Variants in MDFI observed in about 807,000 individuals in gnomAD.
MDFI encodes the protein inhibitor of MyoD family a.
MDFI carries 16 observed loss-of-function variants against 22.3 expected under a neutral mutation model. The ratio of observed to expected loss-of-function variants is 0.72; its 90% CI spans 0.49 to 1.09. MDFI has a LOEUF of 1.09. MDFI is among the 50% of genes least tolerant of loss of function. MDFI has a pLI of 0.00. For synonymous variants in MDFI, 145 were observed against 142.7 expected (o/e 1.02, Z -0.12); for missense variants, 314 against 326.1 (o/e 0.96, Z 0.29).
chr6:41,637,035 A>T (rs1767668272), upstream of MDFI: 1 of 152,278 alleles, frequency 6.6e-6, no homozygotes, highest in Admixed American at 6.5e-5. The surrounding 1 kb of genome is among the most constrained non-coding windows in gnomAD (Gnocchi z 6.8). Flanking sequence ...TCAGCTCTCC[A>T]GAGCTCCCGG....
rs113879039 is a variant in MDFI, at chr6:41,638,939, G to A, written c.76+114G>A. 6,444 of 1,183,998 alleles carry A rather than the reference G, an allele frequency of 5.4e-3. 246 individuals are homozygous for A. The African/African-American group carries it at 0.085, about 16-fold the overall frequency. The allele number at this position is 1,183,998 out of a possible 1,614,324, so 73.3% of individuals were successfully genotyped here. The stretch of plus-strand genomic sequence containing the variant: ...GCGGGGAGACCGTTCCAGGGAGCTT[G>A]GTGGGGGTAGGGACGAAAAGTCTGG... On this transcript the variant is annotated intron_variant, in intron 2 of 4. Coordinates refer to ENST00000230321, the MANE Select transcript of MDFI (RefSeq NM_005586.4). This position sits in a 1 kb window ranked among gnomAD's most constrained non-coding sequence, Gnocchi z 7.6.
chr6:41,638,380 G>A (rs547131131), upstream of MDFI: 13 of 244,598 alleles, frequency 5.3e-5, no homozygotes, highest in South Asian at 6.4e-4. This position sits in a 1 kb window ranked among gnomAD's most constrained non-coding sequence, Gnocchi z 7.6. Context: ...GAGAAGGCGA[G>A]GAGGGGGCGG....
chr6:41,646,055 G>A, intron 2 of MDFI, 71 bp from the exon 3 acceptor site: 1 of 1,344,492 alleles, frequency 7.4e-7, no homozygotes, highest in Non-Finnish European at 9.9e-7. Flanking sequence ...TGGGCTGTGG[G>A]GCGGGGCCCA....
At chr6:41,649,534 A>G in intron 3 of MDFI, 85 bp from the exon 4 acceptor site, 2 of 1,266,090 alleles carry the variant, frequency 1.6e-6, no homozygotes, top group African/African-American at 1.5e-5. Flanking sequence ...ATATGTAAGA[A>G]TGCAGCAGGC....
At chr6:41,650,573 C>CTTTTT (rs34897556) in intron 4 of MDFI, among the ~76,000 whole-genome samples, 41 of 129,650 alleles carry the variant, frequency 3.2e-4, no homozygotes, top group African/African-American at 5.8e-4. Flanking sequence ...AGTCTTTTTC[C>CTTTTT]TTTTTTTTTT....
At chr6:41,645,879 G>A (rs1417504540) in intron 2 of MDFI, among the ~76,000 whole-genome samples, 2 of 151,928 alleles carry the variant, frequency 1.3e-5, no homozygotes, top group Non-Finnish European at 2.9e-5. Flanking sequence ...TGCCCCTCCC[G>A]ACACCACATG....
At chr6:41,639,493 C>G in intron 2 of MDFI, 1 of 985,442 alleles carries the variant, frequency 1.0e-6, no homozygotes, top group Non-Finnish European at 1.2e-6. Context: ...CCTCTCACGC[C>G]AAGTACGGTT....
Position 41,638,618 on chromosome 6 carries a change from T to C in MDFI, c.-46T>C. 1.8e-6 allele frequency: 2 copies of C among 1,097,200 alleles called. No homozygotes were observed. Among genetic ancestry groups the C allele is most frequent in the Non-Finnish European group, 2.5e-6 (2 of 795,452 alleles). 68.0% of individuals were successfully genotyped at this position (1,097,200 alleles called of 1,614,324 possible). ...GCGCATGGCGGGCCCCGCGCGGGGA[T>C]CCGGCTGGAAGAGAGCGTAGCACGG... is the stretch of plus-strand genomic sequence containing the variant. On this transcript the variant is annotated 5_prime_UTR_variant, in exon 1 of 5. Transcript: ENST00000230321. This position sits in a 1 kb window ranked among gnomAD's most constrained non-coding sequence, Gnocchi z 7.6.
chr6:41,651,789 C>T (rs1267472174), intron 4 of MDFI, among the ~76,000 whole-genome samples: 1 of 152,230 alleles, frequency 6.6e-6, no homozygotes, highest in Non-Finnish European at 1.5e-5. Flanking sequence ...GGCCTGGCCC[C>T]AGCACACGGA....
chr6:41,651,687 C>A (rs911969417), intron 4 of MDFI, among the ~76,000 whole-genome samples: 2 of 152,198 alleles, frequency 1.3e-5, no homozygotes, highest in South Asian at 2.1e-4. Context: ...TCCCTCCACA[C>A]AGGAATGCAG....
intron 4 of MDFI, among the ~76,000 whole-genome samples, chr6:41,651,844 TC>T (rs1321824755): frequency 6.6e-6 from 1 of 152,164 alleles, no homozygotes; most frequent in Non-Finnish European, 1.5e-5. Context: ...TGGATTCAAG[TC>T]CCAGCTCCAC....
intron 3 of MDFI, among the ~76,000 whole-genome samples, 176 bp downstream of exon 3, chr6:41,646,484 C>T (rs989186125): frequency 1.3e-5 from 2 of 152,132 alleles, no homozygotes; most frequent in African/African-American, 4.8e-5. Flanking sequence ...AAGGGGAAGA[C>T]CTCCACTGCA....
At chr6:41,639,872 GGCCT>G (rs1429685090) in intron 2 of MDFI, 2 of 985,398 alleles carry the variant, frequency 2.0e-6, no homozygotes, top group Admixed American at 6.1e-5. Flanking sequence ...CCTCGAAGCC[GGCCT>G]GCCTGCCTGT....
At chr6:41,647,878 TA>T (rs1328605405) in intron 3 of MDFI, among the ~76,000 whole-genome samples, 4 of 151,260 alleles carry the variant, frequency 2.6e-5, no homozygotes, top group African/African-American at 9.7e-5. Flanking sequence ...CCATCCCTAC[TA>T]AAAAATACAA....
upstream of MDFI, chr6:41,638,232 C>A (rs1767704641): frequency 6.2e-6 from 1 of 160,324 alleles, no homozygotes; most frequent in Non-Finnish European, 1.4e-5. This position sits in a 1 kb window ranked among gnomAD's most constrained non-coding sequence, Gnocchi z 7.6. Context: ...ACTGAGGCCC[C>A]GCTCCGAGAG....
At chr6:41,652,710 G>C (rs1433578489) in intron 4 of MDFI, among the ~76,000 whole-genome samples, 1 of 144,942 alleles carries the variant, frequency 6.9e-6, no homozygotes, top group Non-Finnish European at 1.5e-5. Flanking sequence ...TCCACCTCCT[G>C]GGTTCAAGCG....
chr6:41,639,164 A>G (rs549365548), intron 2 of MDFI: 8 of 873,668 alleles, frequency 9.2e-6, no homozygotes, highest in African/African-American at 1.8e-5. Flanking sequence ...GTTTCTGCCC[A>G]GTGTGTAAAT....
At chr6:41,642,781 G>T (rs1767898044) in intron 2 of MDFI, among the ~76,000 whole-genome samples, 1 of 152,108 alleles carries the variant, frequency 6.6e-6, no homozygotes, top group African/African-American at 2.4e-5. Flanking sequence ...TGCCTGGTAG[G>T]CTTTCTGTGG....
intron 2 of MDFI, among the ~76,000 whole-genome samples, chr6:41,641,510 G>A (rs746127085): frequency 2.9e-4 from 44 of 152,322 alleles, no homozygotes; most frequent in South Asian, 8.3e-4. Context: ...TGGGGAGGCC[G>A]GTCTGCGTGG....
Sources: gnomAD v4.1 joint callset for allele counts (sites outside exome capture counted in the v4.1 genomes callset) on GRCh38, gnomAD v4.1.1 for gene constraint, Gnocchi (gnomAD v3.1) non-coding constraint, MANE v1.5 for transcripts, NCBI Gene and HGNC (gene_info 2026-07-23, HGNC 2026-07-21) for gene names.